The following PHACTR3 variants were observed in gnomAD, a reference collection of about 807,000 sequenced individuals.
PHACTR3 encodes the protein protein phosphatase 1, regulatory subunit 123.
A neutral mutation model predicts 66.8 loss-of-function variants in PHACTR3; 16 were observed. The observed-to-expected ratio is 0.24, with a 90% CI of 0.16 to 0.36. PHACTR3 has a LOEUF of 0.36. Among genes scored for constraint, PHACTR3 ranks in the 10% least tolerant of loss-of-function variants. PHACTR3 has a pLI of 1.00. For missense variants in PHACTR3, 647 were observed against 719.9 expected, an observed-to-expected ratio of 0.90 and a Z score of 1.16; for synonymous variants, 323 against 292.1, an observed-to-expected ratio of 1.11 and a Z score of -1.08.
At chr20:59,678,940 T>C (rs1221977379) in intron 1 of PHACTR3, among the ~76,000 whole-genome samples, 1 of 147,848 alleles carries the variant, frequency 6.8e-6, no homozygotes, top group East Asian at 2.1e-4. Context: ...TGGCAGAGTT[T>C]CTGAGTTAGC....
At chr20:59,733,356 T>C (rs1050026366) in intron 1 of PHACTR3, among the ~76,000 whole-genome samples, 8 of 152,184 alleles carry the variant, frequency 5.3e-5, no homozygotes, top group Non-Finnish European at 1.2e-4. Flanking sequence ...GAGGTTCAGC[T>C]CCATTCTGGT....
At chr20:59,666,917 T>C (rs2036014854) in intron 1 of PHACTR3, among the ~76,000 whole-genome samples, 1 of 152,220 alleles carries the variant, frequency 6.6e-6, no homozygotes, top group Non-Finnish European at 1.5e-5. Flanking sequence ...GTAACTGTTA[T>C]TATTATCACA....
intron 1 of PHACTR3, among the ~76,000 whole-genome samples, chr20:59,649,921 T>A (rs1200356609): frequency 4.6e-5 from 7 of 152,224 alleles, no homozygotes; most frequent in Non-Finnish European, 1.0e-4. Flanking sequence ...TTTATAGATG[T>A]GCATCCATTT....
At chr20:59,834,065 A>C (rs1197316698) in intron 8 of PHACTR3, among the ~76,000 whole-genome samples, 1 of 152,146 alleles carries the variant, frequency 6.6e-6, no homozygotes, top group Non-Finnish European at 1.5e-5. Flanking sequence ...CTTACTTATT[A>C]GGACTCCACG....
chr20:59,707,031 G>GA (rs982196412), intron 1 of PHACTR3, among the ~76,000 whole-genome samples: 2 of 152,026 alleles, frequency 1.3e-5, no homozygotes, highest in African/African-American at 2.4e-5. Flanking sequence ...ATGAGTACAG[G>GA]AAAAAAAATA....
At chr20:59,750,038 G>A (rs947651579) in intron 3 of PHACTR3, among the ~76,000 whole-genome samples, 21 of 152,094 alleles carry the variant, frequency 1.4e-4, no homozygotes, top group Non-Finnish European at 2.9e-4. Context: ...TTTTATTGAG[G>A]GCCCACTCTG....
At chr20:59,834,367 T>G (rs1043153768) in intron 8 of PHACTR3, among the ~76,000 whole-genome samples, 1 of 152,224 alleles carries the variant, frequency 6.6e-6, no homozygotes, top group East Asian at 1.9e-4. Flanking sequence ...CAGAGGCTGT[T>G]GGGTTCTCTT....
upstream of PHACTR3, among the ~76,000 whole-genome samples, chr20:59,604,255 C>A (rs973980137): frequency 2.6e-5 from 4 of 152,304 alleles, no homozygotes; most frequent in African/African-American, 9.6e-5. Flanking sequence ...CTGTCTGCAG[C>A]TGCTGGGGAA....
At chr20:59,747,918 A>T (rs7266756) in intron 3 of PHACTR3, 83 bp downstream of exon 3, 1 of 1,434,036 alleles carries the variant, frequency 7.0e-7, no homozygotes, top group East Asian at 2.3e-5. Context: ...CAGGAAGCCC[A>T]TCAGAAACAG....
intron 4 of PHACTR3, among the ~76,000 whole-genome samples, chr20:59,763,394 G>A (rs1212913035): frequency 1.3e-5 from 2 of 152,188 alleles, no homozygotes; most frequent in African/African-American, 2.4e-5. Flanking sequence ...AATACAGTAG[G>A]GATCTGTCTG....
At position 59,770,126 on chromosome 20, in the gene PHACTR3, C is replaced by T. The variant is rs140869383; in HGVS notation, c.751+2731C>T. Among the ~76,000 whole-genome samples the T allele has an allele frequency of 9.8e-5, 15 of 152,332 alleles. No individual in the cohort carries two copies. The East Asian group carries it at 1.7e-3, about 18-fold the overall frequency. On this transcript the variant is annotated intron_variant, in intron 5 of 12. Coordinates refer to ENST00000371015, the MANE Select transcript of PHACTR3 (RefSeq NM_080672.5). ...CACAGGTCTTCATTCTGACTCCACA[C>T]GCCCTAAATTCTGGCGTTCTGTCCC...
Position 59,668,706 on chromosome 20 carries a change from ATTAC to A in PHACTR3, c.118+63582_118+63585del, listed in dbSNP as rs148999519. On this transcript the variant is annotated intron_variant, in intron 1 of 12. Coordinates refer to ENST00000371015, the MANE Select transcript of PHACTR3 (RefSeq NM_080672.5). ...TCAATGCCTAAGTTTTTAAAAAATT[ATTAC>A]TTACTTATGAGCCAGAGTTTCTTTC... Among the ~76,000 whole-genome samples the A allele has an allele frequency of 2.9e-3, 438 of 152,152 alleles. 1 individual carries two copies. Among genetic ancestry groups the A allele is most frequent in the Admixed American group, 4.6e-3 (70 of 15,288 alleles).
intron 1 of PHACTR3, among the ~76,000 whole-genome samples, chr20:59,728,122 T>A (rs931862488): frequency 1.3e-5 from 2 of 152,216 alleles, no homozygotes; most frequent in Admixed American, 6.5e-5. Flanking sequence ...ATGTGTCTAG[T>A]TCCCGAACAT....
intron 1 of PHACTR3, among the ~76,000 whole-genome samples, chr20:59,670,664 G>A (rs933179571): frequency 7.3e-5 from 11 of 150,806 alleles, no homozygotes; most frequent in Admixed American, 6.7e-4. Flanking sequence ...GGAGACCCCA[G>A]GCTTTTCTGT....
At chr20:59,583,314 G>A (rs569356260) in intron 1 of PHACTR3, among the ~76,000 whole-genome samples, 4 of 152,222 alleles carry the variant, frequency 2.6e-5, no homozygotes, top group Admixed American at 6.5e-5. Context: ...CTGGGGGTGG[G>A]GACAGATCCA....
rs1190560190 is a variant in PHACTR3, at chr20:59,821,975, GCAGCGATCCCACCCCTTCCC to G, written c.1329-14525_1329-14506del. Among the ~76,000 whole-genome samples, 13 of 56,546 alleles carry G rather than the reference GCAGCGATCCCACCCCTTCCC, an allele frequency of 2.3e-4. 1 individual carries two copies. The highest frequency in any genetic ancestry group is 1.6e-3 in the Admixed American group (9 of 5,464). The allele number at this position is 56,546 out of a possible 152,430, so 37.1% of individuals were successfully genotyped here. A position where few individuals can be genotyped will look rare whatever the true frequency, so the allele number is the denominator to read the frequency against. The stretch of plus-strand genomic sequence containing the variant: ...CCTCCCCAGCAATCCTACCCTTTCT[GCAGCGATCCCACCCCTTCCC>G]CAGCAATCCCACCCCTTCCCCAGCG... On this transcript the variant is annotated intron_variant, in intron 8 of 12. Coordinates refer to ENST00000371015, the MANE Select transcript of PHACTR3 (RefSeq NM_080672.5).
chr20:59,784,054 G>A (rs6027101), intron 7 of PHACTR3, among the ~76,000 whole-genome samples: 19,267 of 152,126 alleles, frequency 0.13, 2,540 homozygotes, highest in East Asian at 0.39. Context: ...TGCTGTGAAG[G>A]TATTTTGTAG....
At chr20:59,827,825 C>T (rs1476250000) in intron 8 of PHACTR3, among the ~76,000 whole-genome samples, 1 of 152,156 alleles carries the variant, frequency 6.6e-6, no homozygotes, top group African/African-American at 2.4e-5. Context: ...TCAGAAGCCC[C>T]CCACTGCACC....
chr20:59,618,755 G>A (rs2034125114), intron 1 of PHACTR3, among the ~76,000 whole-genome samples: 1 of 151,918 alleles, frequency 6.6e-6, no homozygotes, highest in Non-Finnish European at 1.5e-5. Context: ...AGCCTGAGAG[G>A]TGCTGTCTCA....
Sources: gnomAD v4.1 joint callset for allele counts (sites outside exome capture counted in the v4.1 genomes callset) on GRCh38, gnomAD v4.1.1 for gene constraint, MANE v1.5 for transcripts, NCBI Gene and HGNC (gene_info 2026-07-23, HGNC 2026-07-21) for gene names.